Variants in ARSL observed in about 807,000 individuals in gnomAD.
The protein encoded by ARSL is arylsulfatase L.
In ARSL, 4 loss-of-function variants were observed where a neutral mutation model predicts 31.1. The ratio of observed to expected loss-of-function variants is 0.13; its 90% CI spans 0.06 to 0.29. ARSL has a LOEUF of 0.29. Ranked by LOEUF, ARSL falls within the 10% of genes least tolerant of loss-of-function variation. ARSL has a pLI of 1.00. For missense variants in ARSL, 312 were observed against 497.8 expected (o/e 0.63, Z 3.55); for synonymous variants, 198 against 209.9 (o/e 0.94, Z 0.49).
At chrX:2,956,694 C>T (rs185856979) in intron 3 of ARSL, among the ~76,000 whole-genome samples, 1 of 108,763 alleles carries the variant, frequency 9.2e-6, no homozygotes, top group African/African-American at 3.3e-5. Flanking sequence ...AACTCCTGAC[C>T]TCCAAGTGAT....
At chrX:2,942,969 A>G in intron 8 of ARSL, 96 bp downstream of exon 8, 2 of 1,106,184 alleles carry the variant, frequency 1.8e-6, no homozygotes, top group Admixed American at 4.4e-5. Flanking sequence ...GTCCCTGAGC[A>G]ATAATATTGA....
At chrX:2,967,258 C>T (rs749695105), upstream of ARSL, among the ~76,000 whole-genome samples, 18 of 111,822 alleles carry the variant, frequency 1.6e-4, no homozygotes, top group Non-Finnish European at 3.0e-4. Flanking sequence ...GATATCAAGT[C>T]TGTGGCCTAC....
Position 2,958,439 on chromosome X carries a change from T to A in ARSL, c.24-4A>T. 8.3e-7 allele frequency: 1 copy of A among 1,211,782 alleles called. No individual in the cohort carries two copies. Among genetic ancestry groups the A allele is most frequent in the Non-Finnish European group, 1.1e-6 (1 of 895,480 alleles). Reference sequence around the variant, plus strand: ...CAGCCAGCTCCTGAAACACAAACTGTCAGAGACTGCGTCATGCTCCTGTCC... The same window carrying A: ...CAGCCAGCTCCTGAAACACAAACTGACAGAGACTGCGTCATGCTCCTGTCC... On this transcript the variant is annotated splice_polypyrimidine_tract_variant and splice_region_variant and intron_variant, in intron 2 of 10. Transcript: ENST00000381134.
At chrX:2,955,939 G>C (rs141071950) in intron 3 of ARSL, among the ~76,000 whole-genome samples, 5,149 of 112,443 alleles carry the variant, frequency 0.046, 269 homozygotes, top group African/African-American at 0.16. Context: ...GGGAGACTGA[G>C]GAAGGAGGAT....
At chrX:2,964,104 A>G in intron 1 of ARSL, 120 bp downstream of exon 1, 1 of 727,011 alleles carries the variant, frequency 1.4e-6, no homozygotes. Flanking sequence ...TGCTTTATCA[A>G]AACAAACTGG....
chrX:2,960,473 T>G, intron 1 of ARSL, 53 bp from the exon 2 acceptor site: 1 of 1,161,356 alleles, frequency 8.6e-7, no homozygotes, highest in Non-Finnish European at 1.2e-6. Context: ...ATTGACCTGA[T>G]TATAAATAAA....
chrX:2,935,078 G>A lies in ARSL; in HGVS notation c.1524C>T (p.His508=), dbSNP rs762734231. 8 of 1,209,590 alleles carry A rather than the reference G, an allele frequency of 6.6e-6. 1 individual carries two copies. The highest frequency in any genetic ancestry group is 3.5e-5 in the South Asian group (2 of 56,750). The change falls in exon 11 of 11, where the codon CAC becomes CAT. Residue 508 remains histidine, a synonymous_variant. Transcript: ENST00000381134. ...AGAGGTCAAAGAGCAAAGGTGGATC[G>A]TGGTGGACTACTTTTTCCCCAAAGC... ...CPCFGEKVVH[H]DPPLLFDLSR... is the part of the protein sequence containing the mutation.
In ARSL at chrX:2,943,077, C is replaced by T; in HGVS notation, c.1114G>A (p.Gly372Arg). 1 of 1,211,003 alleles carries T rather than the reference C, an allele frequency of 8.3e-7. No homozygotes were observed. Among genetic ancestry groups the T allele is most frequent in the Non-Finnish European group, 1.1e-6 (1 of 895,260 alleles). The change falls in exon 8 of 11, where the codon GGA becomes AGA. Residue 372 changes from glycine (G) to arginine (R), a missense_variant. Physicochemically the swap from Gly to Arg is moderately radical, Grantham distance 125. Coordinates refer to ENST00000381134, the MANE Select transcript of ARSL (RefSeq NM_000047.3). Reference protein sequence around the residue: ...LGNTQYGGWNGIYKGGKGMGG... With the variant: ...LGNTQYGGWNRIYKGGKGMGG... ...ATCTCAGTCTTACCTTTATAAATTC[C>T]ATTCCAGCCACCATACTGGGTGTTT...
chrX:2,944,568 A>ATT (rs746420275), intron 7 of ARSL, among the ~76,000 whole-genome samples: 1 of 105,848 alleles, frequency 9.4e-6, no homozygotes, highest in African/African-American at 3.4e-5. Flanking sequence ...TGAGGAAACA[A>ATT]TTTTTTTTTT....
chrX:2,937,021 G>T (rs1181556181), intron 9 of ARSL, among the ~76,000 whole-genome samples, 158 bp from the exon 10 acceptor site: 2 of 112,412 alleles, frequency 1.8e-5, no homozygotes, highest in Non-Finnish European at 3.8e-5. Context: ...TGGAAGGCAT[G>T]TGTGTGCATT....
At chrX:2,957,642 G>GAGGTTGCAGTGAGCCGA (rs1435701511) in intron 3 of ARSL, among the ~76,000 whole-genome samples, 2 of 107,511 alleles carry the variant, frequency 1.9e-5, no homozygotes, top group Non-Finnish European at 3.8e-5. Flanking sequence ...CGCAGAGGCG[G>GAGGTTGCAGTGAGCCGA]AGGTTGCAGT....
upstream of ARSL, among the ~76,000 whole-genome samples, chrX:2,964,735 G>A (rs2089683586): frequency 9.0e-6 from 1 of 111,560 alleles, no homozygotes; most frequent in Non-Finnish European, 1.9e-5. Context: ...TTGGGAGGAC[G>A]AGGCAGGAAG....
At chrX:2,958,988 G>C (rs987290106) in intron 2 of ARSL, among the ~76,000 whole-genome samples, 1 of 111,982 alleles carries the variant, frequency 8.9e-6, no homozygotes, top group African/African-American at 3.2e-5. Context: ...AACTACAACA[G>C]CAACAAGAAA....
At chrX:2,943,253 C>G in intron 7 of ARSL, 54 bp from the exon 8 acceptor site, 1 of 1,192,988 alleles carries the variant, frequency 8.4e-7, no homozygotes, top group East Asian at 3.0e-5. Context: ...ATCAGAAATG[C>G]AGCTCTGAAG....
chrX:2,960,478 A>C, intron 1 of ARSL, 58 bp from the exon 2 acceptor site: 1 of 1,130,677 alleles, frequency 8.8e-7, no homozygotes, highest in South Asian at 1.9e-5. Context: ...CCTGATTATA[A>C]ATAAAACAGT....
At chrX:2,962,154 A>T (rs764674610) in intron 1 of ARSL, among the ~76,000 whole-genome samples, 1 of 110,999 alleles carries the variant, frequency 9.0e-6, no homozygotes, top group South Asian at 3.8e-4. Flanking sequence ...TTGACACCTC[A>T]TGCCTCCCTA....
At chrX:2,964,675 A>G (rs1419157727), upstream of ARSL, 1 of 122,352 alleles carries the variant, frequency 8.2e-6, no homozygotes, top group Non-Finnish European at 1.6e-5. Context: ...TGGCTATAAT[A>G]TGATCATATC....
intron 5 of ARSL, among the ~76,000 whole-genome samples, chrX:2,952,566 G>C (rs763609625): frequency 8.9e-6 from 1 of 111,735 alleles, no homozygotes; most frequent in Non-Finnish European, 1.9e-5. Context: ...ATCACCTGGG[G>C]GGTAAGGGTT....
In ARSL at chrX:2,942,938, C is replaced by T. The variant is rs1301119546; in HGVS notation, c.1126+127G>A. 7.1e-6 allele frequency: 7 copies of T among 984,761 alleles called. No individual in the cohort carries two copies. The African/African-American group carries it at 1.3e-4, about 19-fold the overall frequency. The allele number at this position is 984,761 out of a possible 1,213,427, so 81.2% of individuals were successfully genotyped here. On this transcript the variant is annotated intron_variant, in intron 8 of 10. Transcript: ENST00000381134. The stretch of plus-strand genomic sequence containing the variant: ...GGAGTATGTCAAATTACCACTTTTG[C>T]CCTGGATAGGAAAAATCACTGTCCC...
Sources: allele counts gnomAD v4.1 joint callset (sites outside exome capture counted in the v4.1 genomes callset), GRCh38; gene constraint gnomAD v4.1.1; transcripts MANE v1.5; gene names NCBI Gene and HGNC (gene_info 2026-07-23, HGNC 2026-07-21).